LDB2: variants seen among roughly 807,000 people sequenced by gnomAD.
LDB2 encodes the protein LIM domain binding 2.
LDB2 carries 12 observed loss-of-function variants against 44.3 expected under a neutral mutation model. The observed-to-expected ratio is 0.27, with a 90% confidence interval of 0.17 to 0.44. LDB2 has a LOEUF of 0.44. Ranked by LOEUF, LDB2 falls within the 20% of genes least tolerant of loss-of-function variation. LDB2 has a pLI of 1.00. For missense variants in LDB2, 344 were observed against 473.5 expected (o/e 0.73, Z 2.54); for synonymous variants, 164 against 174.8 (o/e 0.94, Z 0.49).
At chr4:16,711,676 C>A (rs946897086) in intron 2 of LDB2, among the ~76,000 whole-genome samples, 17 of 152,038 alleles carry the variant, frequency 1.1e-4, no homozygotes, top group African/African-American at 3.9e-4. Flanking sequence ...AGTTAAGGAC[C>A]TGATTTCAAA....
intron 2 of LDB2, among the ~76,000 whole-genome samples, chr4:16,638,257 T>A (rs957451951): frequency 2.6e-5 from 4 of 152,204 alleles, no homozygotes; most frequent in African/African-American, 9.6e-5. Context: ...CACTTTCACT[T>A]GGTACTTCCT....
chr4:16,753,010 TGTGCCTTTCTA>T lies in LDB2; in HGVS notation c.235+6137_235+6147del, dbSNP rs1054846312. 6.0e-4 allele frequency among the ~76,000 whole-genome samples: 91 copies of T among 152,362 alleles called. 1 individual carries two copies. The highest frequency in any genetic ancestry group is 1.9e-3 in the African/African-American group (80 of 41,586). On this transcript the variant is annotated intron_variant, in intron 2 of 7. Transcript: ENST00000304523. ...GCTTTAAGCAGTGGCCAGAGGAACC[TGTGCCTTTCTA>T]GGTTTCAGGTGGACACCACAAAGGC...
intron 2 of LDB2, among the ~76,000 whole-genome samples, chr4:16,659,682 T>C (rs1250066979): frequency 4.0e-5 from 6 of 148,944 alleles, no homozygotes; most frequent in Non-Finnish European, 7.4e-5. Context: ...TATATATATA[T>C]ATATATATAT....
intron 1 of LDB2, among the ~76,000 whole-genome samples, chr4:16,779,556 G>A (rs928396885): frequency 1.3e-5 from 2 of 152,140 alleles, no homozygotes; most frequent in African/African-American, 2.4e-5. Flanking sequence ...GGGAAGACAC[G>A]AGGTGAGTAA....
At position 16,586,021 on chromosome 4, in the gene LDB2, A is replaced by G. The variant is rs986660014; in HGVS notation, c.532-16T>C. The stretch of plus-strand genomic sequence containing the variant: ...GATCTTGTGCCTAAATGGAAAAAAA[A>G]CCCCACATGTATTTTATCACTACAG... On this transcript the variant is annotated splice_polypyrimidine_tract_variant and intron_variant, in intron 4 of 7. Transcript: ENST00000304523. 1.2e-6 allele frequency: 2 copies of G among 1,601,508 alleles called. No homozygotes were observed. The highest frequency in any genetic ancestry group is 1.7e-6 in the Non-Finnish European group (2 of 1,168,764).
chr4:16,611,137 C>G (rs964315603), intron 2 of LDB2, among the ~76,000 whole-genome samples: 1 of 152,060 alleles, frequency 6.6e-6, no homozygotes, highest in Non-Finnish European at 1.5e-5. Flanking sequence ...TGAAGGAGAA[C>G]TAAAATCCTT....
At chr4:16,828,346 C>T (rs953622265) in intron 1 of LDB2, among the ~76,000 whole-genome samples, 2 of 152,314 alleles carry the variant, frequency 1.3e-5, no homozygotes, top group East Asian at 3.9e-4. Context: ...CCCTACACTT[C>T]TCTGCCTTTA....
intron 1 of LDB2, among the ~76,000 whole-genome samples, chr4:16,896,577 C>T (rs1448727324): frequency 6.6e-6 from 1 of 152,138 alleles, no homozygotes; most frequent in Non-Finnish European, 1.5e-5. Context: ...TCCTCAAAAA[C>T]TTTCTAAAAT....
intron 1 of LDB2, among the ~76,000 whole-genome samples, chr4:16,896,003 A>G (rs1724895528): frequency 6.6e-6 from 1 of 152,204 alleles, no homozygotes; most frequent in Non-Finnish European, 1.5e-5. Flanking sequence ...CGTTCATGAC[A>G]GTATTTACTG....
rs150773191 is a variant in LDB2, at chr4:16,595,606, G to A, written c.408+97C>T. The A allele has an allele frequency of 2.8e-6, 3 of 1,090,096 alleles. No individual in the cohort carries two copies. The East Asian group carries it at 7.2e-5, about 26-fold the overall frequency. The allele number at this position is 1,090,096 out of a possible 1,614,324, so 67.5% of individuals were successfully genotyped here. A position where few individuals can be genotyped will look rare whatever the true frequency, so the allele number is the denominator to read the frequency against. On this transcript the variant is annotated intron_variant, in intron 3 of 7. Coordinates refer to ENST00000304523, the MANE Select transcript of LDB2 (RefSeq NM_001290.5). ...GGTGTTGAAAGTGTCTGGGAGATGA[G>A]CAATCGGCCCCAGGTTCCATAGGAA... is the stretch of plus-strand genomic sequence containing the variant.
At chr4:16,605,939 T>C (rs776986219) in intron 2 of LDB2, among the ~76,000 whole-genome samples, 1 of 152,188 alleles carries the variant, frequency 6.6e-6, no homozygotes, top group African/African-American at 2.4e-5. Context: ...CTTTCTATGG[T>C]GTTAAGACAT....
intron 2 of LDB2, among the ~76,000 whole-genome samples, chr4:16,721,660 G>C (rs1017815259): frequency 2.0e-5 from 3 of 152,102 alleles, no homozygotes; most frequent in African/African-American, 7.2e-5. Context: ...TGAAGTGTCA[G>C]CAGATGAAAA....
chr4:16,869,659 C>T (rs1051794748), intron 1 of LDB2, among the ~76,000 whole-genome samples: 1 of 152,172 alleles, frequency 6.6e-6, no homozygotes, highest in African/African-American at 2.4e-5. Flanking sequence ...GAAATCAAAA[C>T]CACTGCACCA....
chr4:16,819,905 T>C (rs1159765140), intron 1 of LDB2, among the ~76,000 whole-genome samples: 1 of 152,206 alleles, frequency 6.6e-6, no homozygotes, highest in African/African-American at 2.4e-5. Context: ...ACCTTGTTTC[T>C]CTGATCCTCT....
chr4:16,827,019 G>C (rs142027967), intron 1 of LDB2, among the ~76,000 whole-genome samples: 6 of 152,268 alleles, frequency 3.9e-5, no homozygotes, highest in Admixed American at 6.5e-5. Context: ...AGATTCCCTC[G>C]TGAGAACCTG....
chr4:16,870,567 G>A (rs570203249), intron 1 of LDB2, among the ~76,000 whole-genome samples: 7 of 152,136 alleles, frequency 4.6e-5, no homozygotes, highest in African/African-American at 1.7e-4. Flanking sequence ...CACCATCTCT[G>A]CAGCCTCCCT....
At chr4:16,581,288 G>T (rs1002835634) in intron 5 of LDB2, 5 of 355,144 alleles carry the variant, frequency 1.4e-5, no homozygotes, top group Non-Finnish European at 2.0e-5. Flanking sequence ...ATGAGAAAAT[G>T]AAGGCTCAGA....
intron 5 of LDB2, among the ~76,000 whole-genome samples, chr4:16,559,052 C>G (rs1449585824): frequency 2.0e-5 from 3 of 152,176 alleles, no homozygotes; most frequent in Admixed American, 6.5e-5. Flanking sequence ...CCTAAAAGAG[C>G]TCCTGAAGGA....
At chr4:16,579,742 G>C (rs966831467) in intron 5 of LDB2, among the ~76,000 whole-genome samples, 1 of 152,152 alleles carries the variant, frequency 6.6e-6, no homozygotes, top group African/African-American at 2.4e-5. Flanking sequence ...ATTCAACTGA[G>C]TTTTATTTGT....
Sources: allele counts gnomAD v4.1 joint callset (sites outside exome capture counted in the v4.1 genomes callset), GRCh38; gene constraint gnomAD v4.1.1; transcripts MANE v1.5; gene names NCBI Gene and HGNC (gene_info 2026-07-23, HGNC 2026-07-21).